The following ATOSA variants were observed in gnomAD, a reference collection of about 807,000 sequenced individuals.
ATOSA encodes atos homolog protein A.
At chr15:52,666,119 C>T in the ATOSA span, among the ~76,000 whole-genome samples, 5 of 152,078 alleles carry the variant, frequency 3.3e-5, no homozygotes, top group African/African-American at 1.2e-4. Flanking sequence ...TTTAGCTTAT[C>T]TAAATTTTGT....
At chr15:52,589,431 C>A in the ATOSA span, among the ~76,000 whole-genome samples, 1 of 152,134 alleles carries the variant, frequency 6.6e-6, no homozygotes, top group Non-Finnish European at 1.5e-5. Flanking sequence ...TGCCTCCCCA[C>A]CAAATACATA....
the ATOSA span, among the ~76,000 whole-genome samples, chr15:52,703,984 A>G: frequency 1.3e-5 from 2 of 152,328 alleles, no homozygotes; most frequent in Admixed American, 1.3e-4. Flanking sequence ...GAAAAAAGGC[A>G]AAAAGCAAAA....
At chr15:52,652,062 A>C in the ATOSA span, 4 of 1,462,336 alleles carry the variant, frequency 2.7e-6, no homozygotes, top group Admixed American at 7.6e-5. Context: ...CAAAGGCAGC[A>C]GAGTAAGAGC....
chr15:52,581,496 TG>T, the ATOSA span: 2 of 152,240 alleles, frequency 1.3e-5, no homozygotes, highest in East Asian at 3.8e-4. Flanking sequence ...TGGCTATGAA[TG>T]GGCATGATGA....
At chr15:52,669,203 G>T in the ATOSA span, among the ~76,000 whole-genome samples, 2 of 152,112 alleles carry the variant, frequency 1.3e-5, no homozygotes, top group African/African-American at 2.4e-5. Context: ...TTACAGGCGT[G>T]AGCCACCGCG....
At chr15:52,702,128 A>G in the ATOSA span, among the ~76,000 whole-genome samples, 6 of 152,192 alleles carry the variant, frequency 3.9e-5, no homozygotes, top group African/African-American at 1.4e-4. Flanking sequence ...AGATGCTGGC[A>G]AGGCTGCAGA....
At chr15:52,596,374 G>T in the ATOSA span, among the ~76,000 whole-genome samples, 1 of 152,118 alleles carries the variant, frequency 6.6e-6, no homozygotes, top group African/African-American at 2.4e-5. Context: ...GCAATTCTGA[G>T]AAAGAACAAT....
the ATOSA span, chr15:52,598,590 G>C: frequency 6.6e-6 from 1 of 152,112 alleles, no homozygotes; most frequent in East Asian, 1.9e-4. Flanking sequence ...ATTTACTGAA[G>C]AAAACATCAA....
At chr15:52,671,626 G>A in the ATOSA span, among the ~76,000 whole-genome samples, 1 of 152,004 alleles carries the variant, frequency 6.6e-6, no homozygotes, top group African/African-American at 2.4e-5. Flanking sequence ...AGGAAATACA[G>A]GCTGCTCAGA....
chr15:52,699,954 G>T, the ATOSA span, among the ~76,000 whole-genome samples: 4 of 152,068 alleles, frequency 2.6e-5, no homozygotes, highest in African/African-American at 7.2e-5. Flanking sequence ...CTAGACATGG[G>T]GCATCCTAAA....
the ATOSA span, chr15:52,581,746 C>A: frequency 1.9e-5 from 3 of 155,052 alleles, no homozygotes; most frequent in Non-Finnish European, 2.9e-5. Flanking sequence ...AAATTAAAGA[C>A]TTGTGCATAT....
chr15:52,681,498 T>A, the ATOSA span, among the ~76,000 whole-genome samples: 1 of 152,310 alleles, frequency 6.6e-6, no homozygotes, highest in East Asian at 1.9e-4. Flanking sequence ...TTTTATCCTA[T>A]GATTATGTAA....
At chr15:52,612,101 C>T in the ATOSA span, among the ~76,000 whole-genome samples, 9 of 152,248 alleles carry the variant, frequency 5.9e-5, no homozygotes, top group African/African-American at 1.4e-4. Flanking sequence ...TCTCCTGCCT[C>T]AGCCTCTCAA....
At chr15:52,587,716 T>A in the ATOSA span, 1 of 152,456 alleles carries the variant, frequency 6.6e-6, no homozygotes, top group Non-Finnish European at 1.5e-5. Context: ...GAAAAGCAAT[T>A]TGGAAGTCTG....
At chr15:52,605,092 T>C in the ATOSA span, 2 of 1,249,886 alleles carry the variant, frequency 1.6e-6, no homozygotes, top group African/African-American at 1.5e-5. Context: ...CTTTCAGATG[T>C]ATGTAAGTTC....
At chr15:52,694,920 G>GTTTTTTTTT in the ATOSA span, among the ~76,000 whole-genome samples, 3 of 130,438 alleles carry the variant, frequency 2.3e-5, no homozygotes, top group African/African-American at 8.6e-5. Flanking sequence ...TTTTTTTTCT[G>GTTTTTTTTT]TTTTTTTTTG....
At chr15:52,614,249 G>C in the ATOSA span, among the ~76,000 whole-genome samples, 1 of 151,936 alleles carries the variant, frequency 6.6e-6, no homozygotes, top group African/African-American at 2.4e-5. Context: ...GGGATTACAG[G>C]CATGTGCCAC....
chr15:52,666,549 C>T, the ATOSA span, among the ~76,000 whole-genome samples: 2 of 152,174 alleles, frequency 1.3e-5, no homozygotes, highest in African/African-American at 2.4e-5. Flanking sequence ...AAGCAAAAAA[C>T]TTGACACTGG....
At chr15:52,646,163 A>T in the ATOSA span, among the ~76,000 whole-genome samples, 63 of 152,262 alleles carry the variant, frequency 4.1e-4, 1 homozygote, top group African/African-American at 1.2e-3. Flanking sequence ...TACTCTCAAC[A>T]TCCTATTTCC....
Sources: gnomAD v4.1 joint callset for allele counts (sites outside exome capture counted in the v4.1 genomes callset) on GRCh38, gnomAD v4.1.1 for gene constraint, MANE v1.5 for transcripts, NCBI Gene and HGNC (gene_info 2026-07-23, HGNC 2026-07-21) for gene names.